OPHN1: variants seen among roughly 807,000 people sequenced by gnomAD.
OPHN1 encodes the protein oligophrenin 1, also known as oligophrenin-1.
OPHN1 carries 11 observed loss-of-function variants against 60.7 expected under a neutral mutation model. The observed-to-expected ratio is 0.18, with a 90% CI of 0.11 to 0.30. The LOEUF is 0.30. Among genes scored for constraint, OPHN1 ranks in the 10% least tolerant of loss-of-function variants. OPHN1 has a pLI of 1.00. For synonymous variants in OPHN1, 226 were observed against 222.6 expected, an observed-to-expected ratio of 1.02 and a Z score of -0.14; for missense variants, 449 against 611.0, an observed-to-expected ratio of 0.73 and a Z score of 2.80.
At chrX:68,426,153 G>A (rs1269277903) in intron 2 of OPHN1, among the ~76,000 whole-genome samples, 1 of 109,557 alleles carries the variant, frequency 9.1e-6, no homozygotes, top group Non-Finnish European at 1.9e-5. Context: ...TAAAACATAA[G>A]TTTTCAGCTG....
intron 2 of OPHN1, among the ~76,000 whole-genome samples, chrX:68,331,246 A>G (rs1342734780): frequency 9.4e-6 from 1 of 106,791 alleles, no homozygotes; most frequent in African/African-American, 3.3e-5. Flanking sequence ...TTAATTATAT[A>G]TTAGTAGATA....
At chrX:68,126,813 G>A (rs2077173876) in intron 15 of OPHN1, among the ~76,000 whole-genome samples, 1 of 112,047 alleles carries the variant, frequency 8.9e-6, no homozygotes, top group Admixed American at 9.5e-5. Flanking sequence ...TGAAGAACAT[G>A]CAGTCCATCT....
intron 2 of OPHN1, among the ~76,000 whole-genome samples, chrX:68,318,441 AG>A (rs1360340125): frequency 2.7e-5 from 3 of 112,440 alleles, no homozygotes; most frequent in African/African-American, 9.7e-5. Context: ...GGAAACATAA[AG>A]GAACTAAAAT....
chrX:68,123,788 A>C (rs758337378), intron 15 of OPHN1, among the ~76,000 whole-genome samples: 4 of 111,239 alleles, frequency 3.6e-5, no homozygotes, highest in African/African-American at 1.3e-4. Flanking sequence ...ACTAGAGAAA[A>C]TCTACTTCAC....
intron 15 of OPHN1, among the ~76,000 whole-genome samples, chrX:68,180,680 G>A (rs1166156043): frequency 3.6e-5 from 4 of 111,824 alleles, no homozygotes; most frequent in Non-Finnish European, 5.6e-5. Context: ...AAAGAGAACC[G>A]GAACCAAAGG....
At chrX:68,227,669 C>T (rs1041998126) in intron 6 of OPHN1, among the ~76,000 whole-genome samples, 26 of 111,116 alleles carry the variant, frequency 2.3e-4, no homozygotes, top group Non-Finnish European at 1.9e-5. Context: ...GGGTATATAA[C>T]GAAATGAAGG....
At chrX:68,420,930 C>T (rs1444755329) in intron 2 of OPHN1, among the ~76,000 whole-genome samples, 1 of 109,755 alleles carries the variant, frequency 9.1e-6, no homozygotes, top group Non-Finnish European at 1.9e-5. Flanking sequence ...ACAGTAGGAC[C>T]GATTATTGGT....
At chrX:68,146,153 G>A (rs1026503309) in intron 15 of OPHN1, among the ~76,000 whole-genome samples, 1 of 112,098 alleles carries the variant, frequency 8.9e-6, no homozygotes, top group African/African-American at 3.2e-5. Flanking sequence ...CAAATATCTG[G>A]ATTCCAAACG....
At chrX:68,279,372 A>G (rs1303559434) in intron 4 of OPHN1, among the ~76,000 whole-genome samples, 1 of 108,307 alleles carries the variant, frequency 9.2e-6, no homozygotes, top group Non-Finnish European at 1.9e-5. Context: ...CAGCCTCCCA[A>G]AGAGCTAGGA....
At chrX:68,095,974 G>C (rs2077036969) in intron 19 of OPHN1, among the ~76,000 whole-genome samples, 1 of 111,306 alleles carries the variant, frequency 9.0e-6, no homozygotes, top group East Asian at 2.8e-4. Flanking sequence ...ATATACTTTT[G>C]GAATGAGATG....
intron 19 of OPHN1, among the ~76,000 whole-genome samples, chrX:68,089,916 T>A (rs2077010047): frequency 8.9e-6 from 1 of 111,745 alleles, no homozygotes; most frequent in Non-Finnish European, 1.9e-5. Context: ...AATAAATACA[T>A]CTGAAATCTC....
intron 2 of OPHN1, among the ~76,000 whole-genome samples, chrX:68,308,000 C>A (rs5965538): frequency 0.1 from 11,532 of 111,810 alleles, 1,371 homozygotes; most frequent in African/African-American, 0.35. Context: ...GTTTCAATGA[C>A]TCATCACATT....
At chrX:68,262,559 G>A (rs1240338156) in intron 5 of OPHN1, among the ~76,000 whole-genome samples, 2 of 111,973 alleles carry the variant, frequency 1.8e-5, no homozygotes, top group East Asian at 2.8e-4. Flanking sequence ...CAAGGTGGGT[G>A]GATCACCTGA....
At chrX:68,134,220 C>T (rs1449174849) in intron 15 of OPHN1, among the ~76,000 whole-genome samples, 2 of 111,140 alleles carry the variant, frequency 1.8e-5, no homozygotes, top group Admixed American at 1.9e-4. Context: ...AAAAAAATTG[C>T]TTGTTCTACA....
chrX:68,416,061 T>TAGAGAGAG (rs1325941322), intron 2 of OPHN1, among the ~76,000 whole-genome samples: 1 of 6,289 alleles, frequency 1.6e-4, no homozygotes, highest in Non-Finnish European at 6.9e-4. Flanking sequence ...TATATATATA[T>TAGAGAGAG]ATATATAGAG....
At chrX:68,133,065 G>A (rs986213661) in intron 15 of OPHN1, 8 of 512,246 alleles carry the variant, frequency 1.6e-5, no homozygotes, top group Non-Finnish European at 2.5e-5. Context: ...GGCAGCAAGC[G>A]GCGCCTTACA....
intron 2 of OPHN1, among the ~76,000 whole-genome samples, chrX:68,319,053 T>C (rs1602321843): frequency 9.0e-6 from 1 of 111,660 alleles, no homozygotes; most frequent in Non-Finnish European, 1.9e-5. Flanking sequence ...GTCAGGTTTC[T>C]CCACTCTCAA....
rs1602233245 is a variant in OPHN1 at position 68,204,644 on chromosome X, C to T, written c.933+1929G>A. ...CCAATTTGGGGAAATCCAAGTAACC[C>T]CCACCACCTCCCTCTGCCTTGTGAG... On this transcript the variant is annotated intron_variant, in intron 10 of 24. Transcript: ENST00000355520. Among the ~76,000 whole-genome samples, 5 of 111,731 alleles carry T rather than the reference C, an allele frequency of 4.5e-5. No homozygotes were observed. The South Asian group carries it at 1.9e-3, about 42-fold the overall frequency.
At position 68,419,354 on chromosome X, in the gene OPHN1, A is replaced by G. The variant is rs143226436; in HGVS notation, c.154+13513T>C. On this transcript the variant is annotated intron_variant, in intron 2 of 24. Coordinates refer to ENST00000355520, the MANE Select transcript of OPHN1 (RefSeq NM_002547.3). ...CAATTCCTGGCTAAGTTGTTACTCA[A>G]TTAGCACACTGGCACCCCGCACTTC... 9.8e-3 allele frequency among the ~76,000 whole-genome samples: 1,069 copies of G among 108,805 alleles called. 17 individuals carry two copies. Among genetic ancestry groups the G allele is most frequent in the African/African-American group, 0.034 (1,020 of 29,875 alleles). The allele number at this position is 108,805 out of a possible 115,157, so 94.5% of individuals were successfully genotyped here.
Sources: allele counts gnomAD v4.1 joint callset (sites outside exome capture counted in the v4.1 genomes callset), GRCh38; gene constraint gnomAD v4.1.1; transcripts MANE v1.5; gene names NCBI Gene and HGNC (gene_info 2026-07-23, HGNC 2026-07-21).